The following NFIC variants were observed in gnomAD, a reference collection of about 807,000 sequenced individuals.
The protein encoded by NFIC is nuclear factor 1 C-type.
Under a neutral mutation model 54.4 loss-of-function variants are expected in NFIC, and 12 were observed. That is an observed-to-expected ratio of 0.22 (90% CI 0.14 to 0.36). NFIC has a LOEUF of 0.36. Ranked by LOEUF, NFIC falls within the 10% of genes least tolerant of loss-of-function variation. The pLI is 1.00. For synonymous variants in NFIC, 322 were observed against 319.2 expected, an observed-to-expected ratio of 1.01 and a Z score of -0.09; for missense variants, 575 against 718.2, an observed-to-expected ratio of 0.80 and a Z score of 2.28.
rs2080956935 is a variant in NFIC, at chr19:3,369,348, C to T, written c.30+2682C>T. 6.6e-6 allele frequency among the ~76,000 whole-genome samples: 1 copy of T among 152,146 alleles called. No individual in the cohort carries two copies. Among genetic ancestry groups the T allele is most frequent in the African/African-American group, 2.4e-5 (1 of 41,412 alleles). On this transcript the variant is annotated intron_variant, in intron 1 of 10. Coordinates refer to ENST00000443272, the MANE Select transcript of NFIC (RefSeq NM_001245002.2). This position sits in a 1 kb window ranked among gnomAD's most constrained non-coding sequence, Gnocchi z 4.3. The stretch of plus-strand genomic sequence containing the variant: ...CCCCTTGCCCCCTCTCTCCCTGTCT[C>T]TCTCTATCTCTGCATGTGTCTCCTT...
At chr19:3,393,850 C>T (rs969934337) in intron 2 of NFIC, among the ~76,000 whole-genome samples, 1 of 148,732 alleles carries the variant, frequency 6.7e-6, no homozygotes, top group African/African-American at 2.5e-5. Context: ...GTTCCAACCA[C>T]ACATATAATT....
chr19:3,437,698 T>G (rs927368842), intron 6 of NFIC, among the ~76,000 whole-genome samples: 2 of 151,238 alleles, frequency 1.3e-5, no homozygotes, highest in African/African-American at 2.4e-5. Context: ...TGTTTTTTGT[T>G]TTTTTTTTGA....
chr19:3,426,684 C>T (rs2082032158), intron 3 of NFIC, among the ~76,000 whole-genome samples: 2 of 152,170 alleles, frequency 1.3e-5, no homozygotes, highest in Non-Finnish European at 1.5e-5. Context: ...CCCTGTCCTC[C>T]CCTCCTCCCT....
In NFIC at chr19:3,452,335, C is replaced by A. The variant is rs964137658; in HGVS notation, c.1085-147C>A. On this transcript the variant is annotated intron_variant, in intron 7 of 10. Transcript: ENST00000443272. The surrounding 1 kb of genome is among the most constrained non-coding windows in gnomAD (Gnocchi z 5.3). Reference sequence around the variant, plus strand: ...CGGGGAATTTGGGTGTCAATGTGGTCAGTGCTGCTGGGTTTTTTTGGTGGT... The same window carrying A: ...CGGGGAATTTGGGTGTCAATGTGGTAAGTGCTGCTGGGTTTTTTTGGTGGT... The A allele has an allele frequency of 1.0e-6, 1 of 993,976 alleles. No individual in the cohort carries two copies. Among genetic ancestry groups the A allele is most frequent in the Non-Finnish European group, 1.5e-6 (1 of 675,564 alleles). 61.6% of individuals were successfully genotyped at this position (993,976 alleles called of 1,614,324 possible).
chr19:3,380,540 G>T lies in NFIC; in HGVS notation c.31-1172G>T, dbSNP rs1057448530. On this transcript the variant is annotated intron_variant, in intron 1 of 10. Coordinates refer to ENST00000443272, the MANE Select transcript of NFIC (RefSeq NM_001245002.2). ...GACGGGGTTTTGCCATGTTGGCCGG[G>T]CTGGTCTCAAGCTCCTAACCTCAGG... Among the ~76,000 whole-genome samples the T allele has an allele frequency of 7.3e-5, 11 of 150,860 alleles. No individual in the cohort carries two copies. In the Admixed American group the frequency reaches 7.3e-4, roughly 10 times the overall value.
chr19:3,367,436 G>A (rs575723898), intron 1 of NFIC, among the ~76,000 whole-genome samples: 1 of 152,080 alleles, frequency 6.6e-6, no homozygotes, highest in Non-Finnish European at 1.5e-5. Context: ...GCACTGCGGC[G>A]CTGCGGACGC....
At chr19:3,360,800 C>T (rs919218986) in intron 1 of NFIC, among the ~76,000 whole-genome samples, 1 of 152,186 alleles carries the variant, frequency 6.6e-6, no homozygotes, top group Non-Finnish European at 1.5e-5. Context: ...GCCGCGTGTC[C>T]CTGGGTGACC....
chr19:3,381,631 G>A (rs1024513462), intron 1 of NFIC, 81 bp from the exon 2 acceptor site: 38 of 1,519,468 alleles, frequency 2.5e-5, no homozygotes, highest in Non-Finnish European at 3.1e-5. Flanking sequence ...GGGCCCCTCC[G>A]ACCTCAGCCT....
chr19:3,363,278 T>A (rs866586268), upstream of NFIC, among the ~76,000 whole-genome samples: 589 of 121,282 alleles, frequency 4.9e-3, 5 homozygotes, highest in Non-Finnish European at 7.6e-3. Context: ...TATTTTTTTT[T>A]TTTTTTTTTT....
intron 3 of NFIC, among the ~76,000 whole-genome samples, chr19:3,433,229 T>C (rs1044575470): frequency 1.6e-4 from 25 of 152,344 alleles, no homozygotes; most frequent in African/African-American, 5.1e-4. Context: ...CCTCCCACAG[T>C]GCTGGGATTA....
intron 2 of NFIC, 105 bp from the exon 3 acceptor site, chr19:3,425,001 T>C (rs979659092): frequency 3.3e-6 from 4 of 1,203,858 alleles, no homozygotes; most frequent in South Asian, 2.8e-5. Flanking sequence ...TTTGTCTCCA[T>C]AGCACTGGCC....
At chr19:3,372,775 T>C (rs903165776) in intron 1 of NFIC, among the ~76,000 whole-genome samples, 9 of 151,132 alleles carry the variant, frequency 6.0e-5, no homozygotes, top group Non-Finnish European at 1.3e-4. Flanking sequence ...TGTGTGACTT[T>C]GGTGGAAGAT....
In NFIC at chr19:3,458,574, TG is replaced by T; in HGVS notation, c.1509+1941del. On this transcript the variant is annotated intron_variant, in intron 10 of 10. Coordinates refer to ENST00000443272, the MANE Select transcript of NFIC (RefSeq NM_001245002.2). The surrounding 1 kb of genome is among the most constrained non-coding windows in gnomAD (Gnocchi z 4.1). ...CCTTTCTCAGCATCCCTATCTTGAC[TG>T]GCTGGACTCCTCTGGGGACCCAGAA... 6.6e-6 allele frequency among the ~76,000 whole-genome samples: 1 copy of T among 151,438 alleles called. No homozygotes were observed. Among genetic ancestry groups the T allele is most frequent in the Non-Finnish European group, 1.5e-5 (1 of 67,916 alleles).
chr19:3,434,459 C>A, intron 5 of NFIC, 59 bp downstream of exon 5: 2 of 1,524,234 alleles, frequency 1.3e-6, no homozygotes, highest in South Asian at 1.3e-5. Flanking sequence ...AACCCATCCC[C>A]TCTGGCCCGA....
At chr19:3,362,985 GC>G (rs2080829091), upstream of NFIC, among the ~76,000 whole-genome samples, 1 of 151,894 alleles carries the variant, frequency 6.6e-6, no homozygotes, top group African/African-American at 2.4e-5. Context: ...AATTACTGAA[GC>G]CATTAGTGAT....
intron 3 of NFIC, among the ~76,000 whole-genome samples, chr19:3,428,725 C>A (rs375758931): frequency 1.2e-4 from 19 of 152,146 alleles, no homozygotes; most frequent in Non-Finnish European, 2.4e-4. Context: ...GGAGCTTGGG[C>A]GTCTGGTAGA....
Position 3,382,160 on chromosome 19 carries a change from C to G in NFIC, c.479C>G (p.Pro160Arg), listed in dbSNP as rs1454412046. Residue 160 changes from proline to arginine, a missense_variant, in exon 2 of 11, where the codon CCG becomes CGG. Around this residue, in one of 3 missense-constraint regions of NFIC, gnomAD observed 447 missense variants for 526.9 expected, o/e 0.85. Transcript: ENST00000443272. ...RLVKAAQCGHPVLCVQPHHIG... is the reference protein window; with the variant it reads ...RLVKAAQCGHRVLCVQPHHIG... ...GTCAAGGCTGCGCAGTGCGGTCACC[C>G]GGTCCTGTGCGTGCAGCCGCACCAC... is the stretch of plus-strand genomic sequence containing the variant. 6.2e-7 allele frequency: 1 copy of G among 1,612,872 alleles called. No homozygotes were observed. Among genetic ancestry groups the G allele is most frequent in the Admixed American group, 1.7e-5 (1 of 60,022 alleles).
intron 1 of NFIC, among the ~76,000 whole-genome samples, chr19:3,376,153 C>T (rs1398625546): frequency 2.6e-5 from 4 of 151,998 alleles, no homozygotes; most frequent in Admixed American, 1.3e-4. Flanking sequence ...TCGCAGCAAT[C>T]GCGTCCATAG....
chr19:3,418,130 G>A (rs1186412690), intron 2 of NFIC, among the ~76,000 whole-genome samples: 4 of 137,362 alleles, frequency 2.9e-5, no homozygotes, highest in African/African-American at 1.1e-4. Flanking sequence ...ACATAGTCTC[G>A]CTCTGTCACC....
Sources: gnomAD v4.1 joint callset for allele counts (sites outside exome capture counted in the v4.1 genomes callset) on GRCh38, gnomAD v4.1.1 for gene constraint, gnomAD v4.1.1 regional missense constraint, Gnocchi (gnomAD v3.1) non-coding constraint, MANE v1.5 for transcripts, NCBI Gene and HGNC (gene_info 2026-07-23, HGNC 2026-07-21) for gene names.